Variants in KLHL35 observed in about 807,000 individuals in gnomAD.
KLHL35 encodes the protein kelch-like protein 35.
Under a neutral mutation model 44.0 loss-of-function variants are expected in KLHL35, and 50 were observed. The ratio of observed to expected loss-of-function variants is 1.14; its 90% CI spans 0.91 to 1.44. The LOEUF is 1.44. KLHL35 is among the 40% of genes most tolerant of loss of function. The probability of loss-of-function intolerance (pLI) is 0.00; values close to 1 mark genes in which losing one functional copy is unlikely to be tolerated. For missense variants in KLHL35, 1,049 were observed against 887.8 expected (o/e 1.18, Z -2.31); for synonymous variants, 470 against 410.4 (o/e 1.15, Z -1.76).
rs778397309 is a variant in KLHL35 at position 75,425,386 on chromosome 11, C to T, written c.1374+7G>A. 3.2e-6 allele frequency: 5 copies of T among 1,540,638 alleles called. No homozygotes were observed. Among genetic ancestry groups the T allele is most frequent in the Admixed American group, 3.9e-5 (2 of 51,624 alleles). On this transcript the variant is annotated splice_region_variant and intron_variant, in intron 5 of 6. Coordinates refer to ENST00000539798, the MANE Select transcript of KLHL35 (RefSeq NM_001039548.3). ...AACGCCCTCTCGCGCCTGAGGCCCA[C>T]GCCCACCTTGTCCGTGTTGACGCCG...
rs1398542052 is a variant in KLHL35 at position 75,429,963 on chromosome 11, A to T, written c.667T>A (p.Trp223Arg). The change falls in exon 2 of 7, where the codon TGG becomes AGG. Residue 223 changes from tryptophan (W) to arginine (R), a missense_variant. Physicochemically the swap from Trp to Arg is moderately radical, Grantham distance 101. Coordinates refer to ENST00000539798, the MANE Select transcript of KLHL35 (RefSeq NM_001039548.3). ...EEAVFEAAMR[W>R]VRHDAPARRG... Reference sequence around the variant, plus strand: ...CGGGCCGGCGCGTCGTGGCGCACCCAGCGCATGGCCGCTTCAAACACGGCC... The same window carrying T: ...CGGGCCGGCGCGTCGTGGCGCACCCTGCGCATGGCCGCTTCAAACACGGCC... 7 of 1,429,994 alleles carry T rather than the reference A, an allele frequency of 4.9e-6. No individual in the cohort carries two copies. Among genetic ancestry groups the T allele is most frequent in the East Asian group, 6.1e-5 (2 of 32,638 alleles). The allele number at this position is 1,429,994 out of a possible 1,614,324, so 88.6% of individuals were successfully genotyped here.
At chr11:75,429,610 G>T in intron 2 of KLHL35, 139 bp downstream of exon 2, 1 of 1,108,056 alleles carries the variant, frequency 9.0e-7, no homozygotes, top group Non-Finnish European at 1.2e-6. Context: ...GCAGAATTAT[G>T]GGCACCGAGC....
At position 75,428,487 on chromosome 11, in the gene KLHL35, A is replaced by C; in HGVS notation, c.1021T>G (p.Ser341Ala). 6.2e-7 allele frequency: 1 copy of C among 1,612,560 alleles called. No homozygotes were observed. The highest frequency in any genetic ancestry group is 8.5e-7 in the Non-Finnish European group (1 of 1,179,852). The part of the protein sequence containing the change: ...PLPSLPGYTR[S>A]EFAACALRND... Reference sequence around the variant, plus strand: ...CGGAGAGCACAGGCGGCGAATTCTGAGCGAGTGTAGCCGGGCAGGCTGGGC... The same window carrying C: ...CGGAGAGCACAGGCGGCGAATTCTGCGCGAGTGTAGCCGGGCAGGCTGGGC... The change falls in exon 3 of 7, where the codon TCA (serine) becomes GCA (alanine). Residue 341 changes from serine to alanine, a missense_variant. Transcript: ENST00000539798.
At position 75,429,988 on chromosome 11, in the gene KLHL35, C is replaced by A; in HGVS notation, c.642G>T (p.Glu214Asp). ...AGCGCATGGCCGCTTCAAACACGGC[C>A]TCCTCGCGCGCCACGCCCAGCGCGG... ...ADPALGVARE[E>D]AVFEAAMRWV... Residue 214 changes from glutamate (E) to aspartate (D), a missense_variant, in exon 2 of 7, where the codon GAG (glutamate) becomes GAT (aspartate). Coordinates refer to ENST00000539798, the MANE Select transcript of KLHL35 (RefSeq NM_001039548.3). 1 of 1,419,820 alleles carries A rather than the reference C, an allele frequency of 7.0e-7. No individual in the cohort carries two copies. The allele number at this position is 1,419,820 out of a possible 1,614,324, so 88.0% of individuals were successfully genotyped here. A position where few individuals can be genotyped will look rare whatever the true frequency, so the allele number is the denominator to read the frequency against.
chr11:75,423,686 A>T lies in KLHL35; in HGVS notation c.1563+6T>A, dbSNP rs1948468429. On this transcript the variant is annotated splice_donor_region_variant and intron_variant, in intron 6 of 6. Transcript: ENST00000539798. ...TCCGCTCTCCTGCCTTGAAGCCTCC[A>T]CTTACCACAGGGCTGGGGAGGACAG... 2 of 1,612,798 alleles carry T rather than the reference A, an allele frequency of 1.2e-6. No individual in the cohort carries two copies. Among genetic ancestry groups the T allele is most frequent in the East Asian group, 4.5e-5 (2 of 44,870 alleles).
intron 5 of KLHL35, 196 bp from the exon 6 acceptor site, chr11:75,424,076 CTA>C: frequency 1.7e-6 from 1 of 579,848 alleles, no homozygotes; most frequent in Non-Finnish European, 3.1e-6. Context: ...TCATCTAGTT[CTA>C]TGTTCTGTCC....
rs1196566524 is a variant in KLHL35 at position 75,430,225 on chromosome 11, C to T, written c.405G>A (p.Val135=). The T allele has an allele frequency of 8.2e-7, 1 of 1,221,256 alleles. No individual in the cohort carries two copies. The highest frequency in any genetic ancestry group is 2.5e-5 in the South Asian group (1 of 39,344). 75.7% of individuals were successfully genotyped at this position (1,221,256 alleles called of 1,614,324 possible). The change falls in exon 2 of 7, where the codon GTG becomes GTA. Residue 135 remains valine, a synonymous_variant. Coordinates refer to ENST00000539798, the MANE Select transcript of KLHL35 (RefSeq NM_001039548.3). ...AVLALAERLG[V]AGLREACVRF... Reference sequence around the variant, plus strand: ...GCACGCAGGCCTCGCGCAGGCCCGCCACGCCCAGCCGCTCCGCCAGCGCCA... The same window carrying T: ...GCACGCAGGCCTCGCGCAGGCCCGCTACGCCCAGCCGCTCCGCCAGCGCCA...
chr11:75,428,339 A>C (rs763920812), intron 3 of KLHL35, 103 bp downstream of exon 3: 122 of 1,343,676 alleles, frequency 9.1e-5, no homozygotes, highest in Admixed American at 1.4e-4. Context: ...TTATCAGAAA[A>C]CATCCCGCCC....
rs537086043 is a variant in KLHL35 at position 75,428,880 on chromosome 11, G to T, written c.882-254C>A. Among the ~76,000 whole-genome samples, 17 of 152,218 alleles carry T rather than the reference G, an allele frequency of 1.1e-4. No individual in the cohort carries two copies. In the South Asian group the frequency reaches 2.9e-3, roughly 26 times the overall value. ...CTACAGAAAAAAAAATCTTTACAGA[G>T]CCCTTGCCCTCACCTAGAAAAATCA... On this transcript the variant is annotated intron_variant, in intron 2 of 6. Transcript: ENST00000539798.
intron 1 of KLHL35, among the ~76,000 whole-genome samples, chr11:75,431,322 A>C (rs1948535525): frequency 6.6e-6 from 1 of 152,190 alleles, no homozygotes; most frequent in African/African-American, 2.4e-5. Context: ...CGAATTCGAC[A>C]AGTATTTATT....
chr11:75,423,717 TC>T lies in KLHL35; in HGVS notation c.1537del (p.Glu513ArgfsTer106). On this transcript the variant is annotated frameshift_variant, in exon 6 of 7. Coordinates refer to ENST00000539798, the MANE Select transcript of KLHL35 (RefSeq NM_001039548.3). LOFTEE classifies it high-confidence loss of function. ...CACAGGGCTGGGGAGGACAGCTGCCTCCCCCCACACATCTGTGCCTGGATCA... is the reference window on the plus strand; with the variant it reads ...CACAGGGCTGGGGAGGACAGCTGCCTCCCCCACACATCTGTGCCTGGATCA... ...TYDPGTDVWGEAAVLPSPVES... is the reference protein window; with the variant it reads ...TYDPGTDVWGXAAVLPSPVES... 1 of 1,613,402 alleles carries T rather than the reference TC, an allele frequency of 6.2e-7. No homozygotes were observed. The highest frequency in any genetic ancestry group is 1.7e-4 in the Middle Eastern group (1 of 6,060).
chr11:75,426,824 C>A, intron 3 of KLHL35, 186 bp from the exon 4 acceptor site: 1 of 496,758 alleles, frequency 2.0e-6, no homozygotes, highest in South Asian at 2.7e-5. Flanking sequence ...GTGGGAATGT[C>A]TGAGTTACGA....
chr11:75,427,383 T>C (rs1331248687), intron 3 of KLHL35, among the ~76,000 whole-genome samples: 1 of 152,168 alleles, frequency 6.6e-6, no homozygotes, highest in African/African-American at 2.4e-5. Flanking sequence ...CACCTCTCAA[T>C]GGGAGCCTCC....
At chr11:75,426,418 C>T in intron 4 of KLHL35, 102 bp downstream of exon 4, 1 of 716,054 alleles carries the variant, frequency 1.4e-6, no homozygotes, top group South Asian at 1.9e-5. Context: ...TGGGGGGCTT[C>T]AGACCCCTTC....
At chr11:75,432,094 G>A (rs1222315689) in intron 1 of KLHL35, among the ~76,000 whole-genome samples, 3 of 152,254 alleles carry the variant, frequency 2.0e-5, no homozygotes. Flanking sequence ...TGGCCATTAT[G>A]AACACAAAAC....
rs765480807 is a variant in KLHL35, at chr11:75,422,738, T to TC, written c.1593dup (p.Lys532GlufsTer10). 1 of 1,613,878 alleles carries TC rather than the reference T, an allele frequency of 6.2e-7. No homozygotes were observed. The highest frequency in any genetic ancestry group is 1.3e-5 in the African/African-American group (1 of 75,058). Reference sequence around the variant, plus strand: ...TCCCGCCCGCCAAGGATGTGGACCTTCCCGTCACACACAGTGACTCCACAG... The same window carrying TC: ...TCCCGCCCGCCAAGGATGTGGACCTTCCCCGTCACACACAGTGACTCCACAG... On this transcript the variant is annotated frameshift_variant, in exon 7 of 7. Coordinates refer to ENST00000539798, the MANE Select transcript of KLHL35 (RefSeq NM_001039548.3). LOFTEE classifies it high-confidence loss of function.
At position 75,429,733 on chromosome 11, in the gene KLHL35, G is replaced by C. The variant is rs937369306; in HGVS notation, c.881+16C>G. The C allele has an allele frequency of 6.9e-7, 1 of 1,442,300 alleles. No homozygotes were observed. The highest frequency in any genetic ancestry group is 2.9e-5 in the East Asian group (1 of 34,010). The allele number at this position is 1,442,300 out of a possible 1,614,324, so 89.3% of individuals were successfully genotyped here. A position where few individuals can be genotyped will look rare whatever the true frequency, so the allele number is the denominator to read the frequency against. ...GGAAGAACGGAGGGCGGGAAGCTAG[G>C]GGATGGCGGCCCTACCTCCGCGGCC... On this transcript the variant is annotated intron_variant, in intron 2 of 6. Transcript: ENST00000539798.
intron 6 of KLHL35, chr11:75,423,111 A>G (rs911433214): frequency 1.1e-5 from 3 of 267,840 alleles, no homozygotes; most frequent in African/African-American, 6.5e-5. Flanking sequence ...GCACACCAAT[A>G]ACAATAATCT....
At chr11:75,425,035 T>G in intron 5 of KLHL35, 19 of 169,716 alleles carry the variant, frequency 1.1e-4, no homozygotes, top group Non-Finnish European at 1.3e-4. Context: ...GACGGTGGGA[T>G]TATGGGTTTT....
Sources: gnomAD v4.1 joint callset for allele counts (sites outside exome capture counted in the v4.1 genomes callset) on GRCh38, gnomAD v4.1.1 for gene constraint, MANE v1.5 for transcripts, NCBI Gene and HGNC (gene_info 2026-07-23, HGNC 2026-07-21) for gene names.